PXK: variants seen among roughly 807,000 people sequenced by gnomAD.
PXK encodes PX domain containing serine/threonine kinase like, also known as PX domain-containing protein kinase-like protein.
In PXK, 35 loss-of-function variants were observed where a neutral mutation model predicts 84.7. The ratio of observed to expected loss-of-function variants is 0.41; its 90% CI spans 0.32 to 0.55. PXK has a LOEUF of 0.55. PXK is among the 20% of genes least tolerant of loss of function. The probability of loss-of-function intolerance (pLI) is 0.21; values close to 1 mark genes in which losing one functional copy is unlikely to be tolerated. For missense variants in PXK, 634 were observed against 699.7 expected (o/e 0.91, Z 1.06); for synonymous variants, 253 against 260.8 (o/e 0.97, Z 0.29).
At position 58,411,503 on chromosome 3, in the gene PXK, C is replaced by T. The variant is rs1027502101; in HGVS notation, c.1465+1344C>T. On this transcript the variant is annotated intron_variant, in intron 16 of 17. Coordinates refer to ENST00000356151, the MANE Select transcript of PXK (RefSeq NM_017771.5). The surrounding 1 kb of genome is among the most constrained non-coding windows in gnomAD (Gnocchi z 4.2). ...TCTTCGCCATGGTTGATGGGAGGGA[C>T]ATGGACCGGTCATGGTCATTATTAT... is the stretch of plus-strand genomic sequence containing the variant. Among the ~76,000 whole-genome samples the T allele has an allele frequency of 2.0e-5, 3 of 152,138 alleles. No homozygotes were observed. The highest frequency in any genetic ancestry group is 4.4e-5 in the Non-Finnish European group (3 of 68,026).
chr3:58,360,831 G>GA (rs762223630), intron 1 of PXK, among the ~76,000 whole-genome samples: 276 of 109,438 alleles, frequency 2.5e-3, no homozygotes, highest in Middle Eastern at 4.7e-3. Context: ...GACCCCGACT[G>GA]AAAAAAAAAA....
At chr3:58,413,365 G>GTTT (rs2060492208) in intron 17 of PXK, 1 of 213,252 alleles carries the variant, frequency 4.7e-6, no homozygotes, top group Non-Finnish European at 9.5e-6. Flanking sequence ...TTTTGTCACA[G>GTTT]AGCACAACTG....
rs114872286 is a variant in PXK, at chr3:58,388,224, C to T, written c.389-2358C>T. Among the ~76,000 whole-genome samples the T allele has an allele frequency of 2.9e-3, 435 of 152,290 alleles. 1 individual carries two copies. Among genetic ancestry groups the T allele is most frequent in the African/African-American group, 0.01 (422 of 41,556 alleles). Reference sequence around the variant, plus strand: ...ATTCCCTGACCCTAAGTGAAAAAAGCTATTTCACAGTCCTCAGTTTATCAG... The same window carrying T: ...ATTCCCTGACCCTAAGTGAAAAAAGTTATTTCACAGTCCTCAGTTTATCAG... On this transcript the variant is annotated intron_variant, in intron 4 of 17. Transcript: ENST00000356151.
rs377406524 is a variant in PXK at position 58,372,506 on chromosome 3, T to C, written c.201+3028T>C. Among the ~76,000 whole-genome samples, 1,014 of 151,746 alleles carry C rather than the reference T, an allele frequency of 6.7e-3. 14 individuals carry two copies. Among genetic ancestry groups the C allele is most frequent in the African/African-American group, 0.023 (946 of 41,318 alleles). On this transcript the variant is annotated intron_variant, in intron 3 of 17. Coordinates refer to ENST00000356151, the MANE Select transcript of PXK (RefSeq NM_017771.5). ...CCCGGCTAATTTTTTGTATTTTTAG[T>C]AGAGACGGGGTTTCACCGTGTTAGC...
chr3:58,348,892 A>G (rs1394020323), intron 1 of PXK, among the ~76,000 whole-genome samples: 1 of 152,062 alleles, frequency 6.6e-6, no homozygotes. Flanking sequence ...AGCCTAGGTA[A>G]CAGAGTGAGA....
At chr3:58,368,958 T>C (rs1027275809) in intron 2 of PXK, among the ~76,000 whole-genome samples, 4 of 152,224 alleles carry the variant, frequency 2.6e-5, no homozygotes, top group Non-Finnish European at 5.9e-5. Context: ...GTGTGGCAGC[T>C]CTGCCTGCAA....
At position 58,371,774 on chromosome 3, in the gene PXK, A is replaced by T. The variant is rs565892751; in HGVS notation, c.201+2296A>T. ...CAATGTGCATCTTATTTCAAATGCA[A>T]ATATCCCCATGTATTGATGTTGGCT... is the stretch of plus-strand genomic sequence containing the variant. On this transcript the variant is annotated intron_variant, in intron 3 of 17. Coordinates refer to ENST00000356151, the MANE Select transcript of PXK (RefSeq NM_017771.5). 7.2e-5 allele frequency among the ~76,000 whole-genome samples: 11 copies of T among 152,316 alleles called. No individual in the cohort carries two copies. In the South Asian group the frequency reaches 2.3e-3, roughly 32 times the overall value.
At chr3:58,410,033 C>G (rs1403291876) in intron 15 of PXK, 57 bp from the exon 16 acceptor site, 2 of 1,100,752 alleles carry the variant, frequency 1.8e-6, no homozygotes, top group Non-Finnish European at 2.8e-6. Context: ...CCCAGCTTCA[C>G]TGTGTTTATT....
At position 58,370,682 on chromosome 3, in the gene PXK, GT is replaced by G; in HGVS notation, c.201+1208del. On this transcript the variant is annotated intron_variant, in intron 3 of 17. Transcript: ENST00000356151. This position sits in a 1 kb window ranked among gnomAD's most constrained non-coding sequence, Gnocchi z 4.2. ...TACTTCCTTTCCTTCAGAAGGCCAC[GT>G]TTTGTTGGTCAGACTTCAGAAAATA... Among the ~76,000 whole-genome samples the G allele has an allele frequency of 6.6e-6, 1 of 152,210 alleles. No homozygotes were observed. Among genetic ancestry groups the G allele is most frequent in the Non-Finnish European group, 1.5e-5 (1 of 68,010 alleles).
chr3:58,376,936 G>A (rs1011732144), intron 3 of PXK, among the ~76,000 whole-genome samples: 2 of 152,088 alleles, frequency 1.3e-5, no homozygotes, highest in African/African-American at 4.8e-5. Context: ...CACTGTGCCC[G>A]GCCTACCCTT....
Position 58,397,106 on chromosome 3 carries a change from A to G in PXK, c.890A>G (p.Asp297Gly). Residue 297 changes from aspartate (D) to glycine (G), a missense_variant, in exon 10 of 18, where the codon GAT becomes GGT. Coordinates refer to ENST00000356151, the MANE Select transcript of PXK (RefSeq NM_017771.5). The surrounding 1 kb of genome is among the most constrained non-coding windows in gnomAD (Gnocchi z 4.7). ...CTTCACGCCTCCAATGTGATGCTCG[A>G]TGGGGACACTTGCCGGCTGCTGGAC... ...GHLHASNVML[D>G]GDTCRLLDLE... 1 of 1,614,162 alleles carries G rather than the reference A, an allele frequency of 6.2e-7. No individual in the cohort carries two copies. Among genetic ancestry groups the G allele is most frequent in the South Asian group, 1.1e-5 (1 of 91,084 alleles).
Position 58,333,192 on chromosome 3 carries a change from C to T in PXK, c.102+102C>T, listed in dbSNP as rs2097526427. ...GCCGGGCAGGGTCGTCGGACGGAGA[C>T]CGGGCCACAGGGTGGGCGGCCCTGG... is the stretch of plus-strand genomic sequence containing the variant. On this transcript the variant is annotated intron_variant, in intron 1 of 17. Transcript: ENST00000356151. This position sits in a 1 kb window ranked among gnomAD's most constrained non-coding sequence, Gnocchi z 5.4. 1.5e-6 allele frequency: 1 copy of T among 681,618 alleles called. No individual in the cohort carries two copies. The highest frequency in any genetic ancestry group is 1.8e-6 in the Non-Finnish European group (1 of 548,134). The allele number at this position is 681,618 out of a possible 1,614,324, so 42.2% of individuals were successfully genotyped here.
At chr3:58,408,188 A>G (rs1560105138) in intron 13 of PXK, among the ~76,000 whole-genome samples, 1 of 152,228 alleles carries the variant, frequency 6.6e-6, no homozygotes, top group East Asian at 1.9e-4. Flanking sequence ...CATATCCACA[A>G]GCATTTATTT....
chr3:58,357,140 G>A (rs1169771079), intron 1 of PXK, among the ~76,000 whole-genome samples: 4 of 151,676 alleles, frequency 2.6e-5, no homozygotes, highest in Admixed American at 1.3e-4. Flanking sequence ...TTAGCCGGGC[G>A]TGGCGGCACA....
intron 7 of PXK, among the ~76,000 whole-genome samples, chr3:58,392,097 G>A (rs969775048): frequency 6.6e-6 from 1 of 152,138 alleles, no homozygotes; most frequent in African/African-American, 2.4e-5. Context: ...ATGAGAGTAG[G>A]GAAGCAGCTA....
rs904176565 is a variant in PXK at position 58,370,452 on chromosome 3, T to C, written c.201+974T>C. On this transcript the variant is annotated intron_variant, in intron 3 of 17. Transcript: ENST00000356151. This position sits in a 1 kb window ranked among gnomAD's most constrained non-coding sequence, Gnocchi z 4.2. The stretch of plus-strand genomic sequence containing the variant: ...CTTGGATTACTGAAGACTATTGTGC[T>C]CTTGTGTGTCATACTTCAGGTTTGA... 6.6e-6 allele frequency among the ~76,000 whole-genome samples: 1 copy of C among 152,186 alleles called. No homozygotes were observed. The highest frequency in any genetic ancestry group is 1.5e-5 in the Non-Finnish European group (1 of 68,038).
At chr3:58,378,222 G>A (rs749297590) in intron 3 of PXK, among the ~76,000 whole-genome samples, 34 of 152,108 alleles carry the variant, frequency 2.2e-4, no homozygotes, top group Non-Finnish European at 4.1e-4. Context: ...GACTTTTCAG[G>A]CAGGATATTA....
In PXK at chr3:58,390,848, C is replaced by T. The variant is rs1317959165; in HGVS notation, c.466+189C>T. Among the ~76,000 whole-genome samples the T allele has an allele frequency of 6.6e-6, 1 of 152,194 alleles. No homozygotes were observed. Among genetic ancestry groups the T allele is most frequent in the Non-Finnish European group, 1.5e-5 (1 of 68,042 alleles). On this transcript the variant is annotated intron_variant, in intron 5 of 17. Coordinates refer to ENST00000356151, the MANE Select transcript of PXK (RefSeq NM_017771.5). The surrounding 1 kb of genome is among the most constrained non-coding windows in gnomAD (Gnocchi z 4.2). ...TAATGAACCTTGGTTAAAGCCCCAT[C>T]AAAGCATTTGGATGGTAATAACTTT...
At chr3:58,405,446 A>AGACAGGTG in intron 13 of PXK, among the ~76,000 whole-genome samples, 1 of 152,180 alleles carries the variant, frequency 6.6e-6, no homozygotes. Flanking sequence ...TGGGAGGCTG[A>AGACAGGTG]GACAGGTGGA....
Sources: allele counts gnomAD v4.1 joint callset (sites outside exome capture counted in the v4.1 genomes callset), GRCh38; gene constraint gnomAD v4.1.1; non-coding constraint Gnocchi (gnomAD v3.1); transcripts MANE v1.5; gene names NCBI Gene and HGNC (gene_info 2026-07-23, HGNC 2026-07-21).